Variants in TXNDC5 observed in about 807,000 individuals in gnomAD.
TXNDC5 encodes the protein thioredoxin domain-containing protein 5.
TXNDC5 carries 44 observed loss-of-function variants against 52.6 expected under a neutral mutation model. That is an observed-to-expected ratio of 0.84 (90% confidence interval 0.66 to 1.08). The LOEUF is 1.08. TXNDC5 is among the 50% of genes least tolerant of loss of function. The pLI, the probability that TXNDC5 is intolerant of heterozygous loss-of-function variation, is 0.00. For synonymous variants in TXNDC5, 241 were observed against 234.4 expected, an observed-to-expected ratio of 1.03 and a Z score of -0.26; for missense variants, 600 against 565.5, an observed-to-expected ratio of 1.06 and a Z score of -0.62.
chr6:7,891,331 AC>A (rs541593713), intron 5 of TXNDC5, among the ~76,000 whole-genome samples: 16 of 152,182 alleles, frequency 1.1e-4, no homozygotes, highest in African/African-American at 3.9e-4. Context: ...ACAAGGCTCT[AC>A]CCCATCTCTT....
intron 1 of TXNDC5, among the ~76,000 whole-genome samples, chr6:7,906,875 C>T (rs1760753789): frequency 6.6e-6 from 1 of 152,186 alleles, no homozygotes; most frequent in African/African-American, 2.4e-5. Flanking sequence ...ATGGCATGAG[C>T]ATCTCTCCGA....
intron 1 of TXNDC5, among the ~76,000 whole-genome samples, chr6:7,909,177 G>A (rs1298412372): frequency 6.6e-6 from 1 of 152,128 alleles, no homozygotes; most frequent in Admixed American, 6.5e-5. Flanking sequence ...AGAGAAAAAC[G>A]TTTCTCCCAG....
intron 3 of TXNDC5, 130 bp from the exon 4 acceptor site, chr6:7,895,332 C>T (rs974286366): frequency 2.8e-5 from 22 of 775,634 alleles, no homozygotes; most frequent in South Asian, 8.9e-5. Flanking sequence ...AACCCTTGTA[C>T]GATGCTGCTG....
intron 8 of TXNDC5, among the ~76,000 whole-genome samples, 184 bp from the exon 9 acceptor site, chr6:7,884,672 G>A (rs1326786089): frequency 6.6e-6 from 1 of 152,100 alleles, no homozygotes; most frequent in African/African-American, 2.4e-5. Flanking sequence ...CCCAAATGAA[G>A]AACCCAAAAG....
intron 7 of TXNDC5, among the ~76,000 whole-genome samples, chr6:7,888,297 G>A (rs764860016): frequency 2.2e-4 from 34 of 152,254 alleles, no homozygotes; most frequent in African/African-American, 7.7e-4. Flanking sequence ...CCTTTACAAC[G>A]GGTAAAGGAA....
At chr6:7,885,438 T>A (rs1348179317) in intron 8 of TXNDC5, among the ~76,000 whole-genome samples, 1 of 152,190 alleles carries the variant, frequency 6.6e-6, no homozygotes, top group Non-Finnish European at 1.5e-5. Flanking sequence ...CTACCTGCAA[T>A]CCATTTCTGC....
chr6:7,905,656 T>G (rs112977893), intron 1 of TXNDC5, among the ~76,000 whole-genome samples: 4 of 152,362 alleles, frequency 2.6e-5, no homozygotes, highest in Non-Finnish European at 5.9e-5. Context: ...CTGGACAGTA[T>G]GTCTACAGTG....
chr6:7,910,323 T>TCCCGGCCCCGCGCC (rs1464851647), intron 1 of TXNDC5, among the ~76,000 whole-genome samples, 191 bp downstream of exon 1: 1 of 139,140 alleles, frequency 7.2e-6, no homozygotes, highest in African/African-American at 2.7e-5. Flanking sequence ...GTCCCCGCGC[T>TCCCGGCCCCGCGCC]CCCGGCCCCG....
intron 4 of TXNDC5, 80 bp from the exon 5 acceptor site, chr6:7,891,816 G>A: frequency 9.9e-7 from 1 of 1,009,456 alleles, no homozygotes. Context: ...GTTAATTGAA[G>A]AATCAGATCT....
At chr6:7,889,807 G>A (rs1295014962) in intron 5 of TXNDC5, among the ~76,000 whole-genome samples, 2 of 152,166 alleles carry the variant, frequency 1.3e-5, no homozygotes, top group Non-Finnish European at 2.9e-5. Context: ...AAGATTTATT[G>A]TATTAATAGC....
At chr6:7,889,716 G>A in intron 5 of TXNDC5, 135 bp from the exon 6 acceptor site, 1 of 650,874 alleles carries the variant, frequency 1.5e-6, no homozygotes, top group Non-Finnish European at 2.6e-6. Flanking sequence ...CCAGCAAGGT[G>A]CAGTTTTTGA....
chr6:7,889,079 G>C, intron 6 of TXNDC5: 1 of 527,630 alleles, frequency 1.9e-6, no homozygotes, highest in Non-Finnish European at 3.2e-6. Flanking sequence ...ACACATCACA[G>C]AAGTCTGGGG....
intron 4 of TXNDC5, among the ~76,000 whole-genome samples, chr6:7,892,124 G>A (rs1760214525): frequency 6.6e-6 from 1 of 152,236 alleles, no homozygotes; most frequent in Non-Finnish European, 1.5e-5. Flanking sequence ...GCACTTGGCA[G>A]CCCTAAGGAA....
chr6:7,884,334 C>T, intron 9 of TXNDC5, 25 bp downstream of exon 9: 1 of 1,613,620 alleles, frequency 6.2e-7, no homozygotes. Context: ...TGAGAGCTCC[C>T]ATAAGCATCC....
chr6:7,887,918 A>G (rs1156792955), intron 7 of TXNDC5, among the ~76,000 whole-genome samples: 1 of 151,818 alleles, frequency 6.6e-6, no homozygotes, highest in East Asian at 1.9e-4. Flanking sequence ...TCCAGCACAG[A>G]TCCCGTCAAT....
chr6:7,887,841 C>G (rs576979621), intron 7 of TXNDC5, among the ~76,000 whole-genome samples: 1 of 152,204 alleles, frequency 6.6e-6, no homozygotes, highest in Admixed American at 6.5e-5. Context: ...GCAGAAATGC[C>G]GGCTGATTCT....
In TXNDC5 at chr6:7,896,881, G is replaced by A. The variant is rs532835314; in HGVS notation, c.520-1679C>T. 3.9e-5 allele frequency among the ~76,000 whole-genome samples: 6 copies of A among 152,302 alleles called. No individual in the cohort carries two copies. In the East Asian group the frequency reaches 7.7e-4, roughly 20 times the overall value. ...ACAGGTCACGTCTTGCCCTACAGTG[G>A]CAGCATAAGCTGATATGGTGCTTAA... On this transcript the variant is annotated intron_variant, in intron 3 of 9. Coordinates refer to ENST00000379757, the MANE Select transcript of TXNDC5 (RefSeq NM_030810.5).
intron 1 of TXNDC5, among the ~76,000 whole-genome samples, chr6:7,906,680 A>AAAAGCACAATG (rs1308938463): frequency 6.6e-6 from 1 of 152,194 alleles, no homozygotes; most frequent in Non-Finnish European, 1.5e-5. Flanking sequence ...ATACAAAAAA[A>AAAAGCACAATG]AAAGCACAAT....
Position 7,895,113 on chromosome 6 carries a change from A to AACGTGCAGCT in TXNDC5, c.599_608dup (p.Gln205AlafsTer34). On this transcript the variant is annotated frameshift_variant, in exon 4 of 10. Coordinates refer to ENST00000379757, the MANE Select transcript of TXNDC5 (RefSeq NM_030810.5). LOFTEE classifies it high-confidence loss of function. ...TCAGGACGTCCCCCTTACCTTGTGC[A>AACGTGCAGCT]ACGTGCAGCTCAAAGTTGCTTGCTG... The AACGTGCAGCT allele has an allele frequency of 6.2e-7, 1 of 1,613,772 alleles. No homozygotes were observed. The highest frequency in any genetic ancestry group is 8.5e-7 in the Non-Finnish European group (1 of 1,179,864).
Sources: gnomAD v4.1 joint callset for allele counts (sites outside exome capture counted in the v4.1 genomes callset) on GRCh38, gnomAD v4.1.1 for gene constraint, MANE v1.5 for transcripts, NCBI Gene and HGNC (gene_info 2026-07-23, HGNC 2026-07-21) for gene names.